DNAH11: variants seen among roughly 807,000 people sequenced by gnomAD.
DNAH11 encodes the protein dynein axonemal heavy chain 11, also known as axonemal beta dynein heavy chain 11.
A neutral mutation model predicts 526.0 loss-of-function variants in DNAH11; 442 were observed. The observed-to-expected ratio is 0.84, with a 90% CI of 0.78 to 0.91. The LOEUF (loss-of-function observed/expected upper bound fraction) is 0.91, where lower values mean the gene tolerates loss of function less well. DNAH11 is among the 40% of genes least tolerant of loss of function. The pLI, the probability that DNAH11 is intolerant of heterozygous loss-of-function variation, is 0.00. For missense variants in DNAH11, 6,989 were observed against 5,448.7 expected (o/e 1.28, Z -8.90); for synonymous variants, 2,461 against 1,935.9 (o/e 1.27, Z -7.12).
chr7:21,680,260 C>G (rs1783085112), intron 30 of DNAH11, among the ~76,000 whole-genome samples: 2 of 152,210 alleles, frequency 1.3e-5, no homozygotes, highest in Non-Finnish European at 2.9e-5. Context: ...CTCTGGTGAT[C>G]TGTCATATTC....
At position 21,747,548 on chromosome 7, in the gene DNAH11, C is replaced by T. The variant is rs192380337; in HGVS notation, c.8511-1032C>T. Reference sequence around the variant, plus strand: ...ATAATTATGAACTATTTCTTCAAACCCATCTTTTGCTAAAGTTAAAGCGAG... The same window carrying T: ...ATAATTATGAACTATTTCTTCAAACTCATCTTTTGCTAAAGTTAAAGCGAG... On this transcript the variant is annotated intron_variant, in intron 51 of 81. Coordinates refer to ENST00000409508, the MANE Select transcript of DNAH11 (RefSeq NM_001277115.2). Among the ~76,000 whole-genome samples, 3 of 152,068 alleles carry T rather than the reference C, an allele frequency of 2.0e-5. No homozygotes were observed. In the East Asian group the frequency reaches 5.8e-4, roughly 29 times the overall value.
Position 21,543,120 on chromosome 7 carries a change from G to A in DNAH11, c.-126G>A. 1 of 1,430,988 alleles carries A rather than the reference G, an allele frequency of 7.0e-7. No homozygotes were observed. 88.6% of individuals were successfully genotyped at this position (1,430,988 alleles called of 1,614,324 possible). On this transcript the variant is annotated 5_prime_UTR_variant, in exon 1 of 82. Transcript: ENST00000409508. ...CTAAGTAGCAGCAGGTGGGAGACTA[G>A]GGTCTGCGCTCGCGGCGACCGCGGA...
intron 65 of DNAH11, among the ~76,000 whole-genome samples, chr7:21,840,878 AATTTTTTAAATAT>A (rs1782178942): frequency 6.6e-6 from 1 of 152,158 alleles, no homozygotes; most frequent in Non-Finnish European, 1.5e-5. Context: ...ATTGGAAAGT[AATTTTTTAAATAT>A]ATGTGTTGGG....
At chr7:21,733,153 G>T (rs896781844) in intron 45 of DNAH11, among the ~76,000 whole-genome samples, 2 of 152,198 alleles carry the variant, frequency 1.3e-5, no homozygotes, top group African/African-American at 2.4e-5. Context: ...TTGGGAGGCC[G>T]AGGTGGGTGG....
chr7:21,714,204 G>C (rs997319167), intron 42 of DNAH11, among the ~76,000 whole-genome samples: 6 of 152,186 alleles, frequency 3.9e-5, no homozygotes, highest in African/African-American at 1.2e-4. Flanking sequence ...TGGCTAAAGA[G>C]ACACCCAATT....
At chr7:21,633,112 C>T (rs1259468253) in intron 25 of DNAH11, among the ~76,000 whole-genome samples, 1 of 152,206 alleles carries the variant, frequency 6.6e-6, no homozygotes, top group Non-Finnish European at 1.5e-5. Context: ...ATCATGAGAA[C>T]TGTATGGGAA....
At chr7:21,837,165 A>G (rs1782027070) in intron 65 of DNAH11, among the ~76,000 whole-genome samples, 1 of 152,210 alleles carries the variant, frequency 6.6e-6, no homozygotes, top group African/African-American at 2.4e-5. Flanking sequence ...CGGTATAGCC[A>G]TTATGGAAAA....
At chr7:21,859,888 A>T (rs769440992) in intron 68 of DNAH11, among the ~76,000 whole-genome samples, 1 of 152,086 alleles carries the variant, frequency 6.6e-6, no homozygotes, top group African/African-American at 2.4e-5. Flanking sequence ...CAACAACAAC[A>T]ACGACAACAA....
intron 6 of DNAH11, among the ~76,000 whole-genome samples, chr7:21,565,056 G>A (rs1026896519): frequency 6.6e-6 from 1 of 152,176 alleles, no homozygotes; most frequent in East Asian, 1.9e-4. Context: ...TTCTTATTTG[G>A]AACCACTTAG....
At chr7:21,895,522 A>C (rs1242136594) in intron 79 of DNAH11, among the ~76,000 whole-genome samples, 1 of 152,182 alleles carries the variant, frequency 6.6e-6, no homozygotes, top group Admixed American at 6.5e-5. Flanking sequence ...CAGATTACTG[A>C]ATGTAATCTG....
chr7:21,750,076 TA>T, intron 53 of DNAH11, 145 bp from the exon 54 acceptor site: 1 of 1,175,020 alleles, frequency 8.5e-7, no homozygotes, highest in Non-Finnish European at 1.2e-6. Context: ...GTCTCGTAAA[TA>T]AAAAAGAAAC....
intron 20 of DNAH11, among the ~76,000 whole-genome samples, chr7:21,607,203 A>G (rs964876113): frequency 2.0e-5 from 3 of 152,236 alleles, no homozygotes; most frequent in Non-Finnish European, 4.4e-5. Flanking sequence ...CATGGAGTCC[A>G]GTGTTCGTGG....
In DNAH11 at chr7:21,900,032, C is replaced by T. The variant is rs368599411; in HGVS notation, c.13215C>T (p.Arg4405=). ...RKNEWPLDKT[R]LTADVTKKTK... ...ATGAGTGGCCCCTGGATAAAACGCG[C>T]TTGACTGCTGATGTTACCAAAAAAA... The change falls in exon 81 of 82, where the codon CGC becomes CGT. Residue 4405 remains arginine, a synonymous_variant. Transcript: ENST00000409508. The T allele has an allele frequency of 3.1e-6, 5 of 1,613,942 alleles. No homozygotes were observed. In the East Asian group the frequency reaches 1.1e-4, roughly 36 times the overall value.
intron 6 of DNAH11, among the ~76,000 whole-genome samples, chr7:21,567,591 G>A (rs949322220): frequency 6.6e-6 from 1 of 152,206 alleles, no homozygotes; most frequent in Non-Finnish European, 1.5e-5. Context: ...GCCAGTGACT[G>A]TAACTTCAAA....
intron 66 of DNAH11, among the ~76,000 whole-genome samples, chr7:21,850,352 C>G (rs1298224078): frequency 1.3e-5 from 1 of 74,338 alleles, no homozygotes; most frequent in Non-Finnish European, 2.9e-5. Flanking sequence ...GAGACTCTGT[C>G]TCAAAAAAAA....
At chr7:21,865,674 T>A (rs998266691) in intron 70 of DNAH11, among the ~76,000 whole-genome samples, 1 of 151,868 alleles carries the variant, frequency 6.6e-6, no homozygotes, top group African/African-American at 2.4e-5. Flanking sequence ...CAGAAAGGGG[T>A]CCTGATCCAG....
intron 52 of DNAH11, among the ~76,000 whole-genome samples, chr7:21,749,378 G>A (rs527500485): frequency 3.9e-5 from 6 of 152,292 alleles, no homozygotes; most frequent in Admixed American, 3.9e-4. Flanking sequence ...CCTGAAAAAG[G>A]CGTCGCTGAA....
At chr7:21,716,273 CG>C (rs898313677) in intron 42 of DNAH11, among the ~76,000 whole-genome samples, 1 of 152,084 alleles carries the variant, frequency 6.6e-6, no homozygotes, top group Non-Finnish European at 1.5e-5. Flanking sequence ...CAGAGGGAGA[CG>C]GAGCCGCGAT....
At chr7:21,637,107 T>C (rs146929362) in intron 26 of DNAH11, among the ~76,000 whole-genome samples, 1 of 152,230 alleles carries the variant, frequency 6.6e-6, no homozygotes, top group East Asian at 1.9e-4. Flanking sequence ...GAAGAAAAAA[T>C]AGATTGTTTA....
Sources: gnomAD v4.1 joint callset for allele counts (sites outside exome capture counted in the v4.1 genomes callset) on GRCh38, gnomAD v4.1.1 for gene constraint, MANE v1.5 for transcripts, NCBI Gene and HGNC (gene_info 2026-07-23, HGNC 2026-07-21) for gene names.